Variants in CYSLTR2 observed in about 807,000 individuals in gnomAD.
CYSLTR2 encodes the protein cysteinyl leukotriene receptor 2.
For missense variants in CYSLTR2, 398 were observed against 411.9 expected, an observed-to-expected ratio of 0.97 and a Z score of 0.29; for synonymous variants, 179 against 160.8, an observed-to-expected ratio of 1.11 and a Z score of -0.86.
At chr13:48,682,932 A>G (rs1953795877) in intron 1 of CYSLTR2, among the ~76,000 whole-genome samples, 2 of 152,052 alleles carry the variant, frequency 1.3e-5, no homozygotes, top group South Asian at 4.2e-4. Flanking sequence ...CTTTGTGTCC[A>G]TCTGTTCTCA....
chr13:48,702,835 A>C (rs1442103858), intron 4 of CYSLTR2, among the ~76,000 whole-genome samples: 3 of 152,222 alleles, frequency 2.0e-5, no homozygotes, highest in Non-Finnish European at 4.4e-5. Flanking sequence ...AAAAAAACTT[A>C]CAAGGATTTT....
At chr13:48,706,158 G>A (rs1566108160) in intron 4 of CYSLTR2, among the ~76,000 whole-genome samples, 3 of 150,562 alleles carry the variant, frequency 2.0e-5, no homozygotes, top group East Asian at 1.9e-4. Context: ...CACTGGGCCC[G>A]CTAATTTTTG....
chr13:48,666,846 T>G (rs1953275517), intron 1 of CYSLTR2, among the ~76,000 whole-genome samples: 1 of 152,228 alleles, frequency 6.6e-6, no homozygotes, highest in Non-Finnish European at 1.5e-5. Flanking sequence ...CTCTTATATC[T>G]CACTGAGTCA....
intron 4 of CYSLTR2, among the ~76,000 whole-genome samples, chr13:48,699,040 C>A (rs138536646): frequency 0.015 from 2,226 of 152,256 alleles, 62 homozygotes; most frequent in African/African-American, 0.05. Flanking sequence ...TAGAGACCTA[C>A]AAAGAGACTT....
chr13:48,673,676 T>C (rs930349471), intron 1 of CYSLTR2, among the ~76,000 whole-genome samples: 2 of 152,266 alleles, frequency 1.3e-5, no homozygotes, highest in Non-Finnish European at 2.9e-5. Flanking sequence ...TGATGCCAGC[T>C]GGTTATTTTG....
At chr13:48,684,530 G>A (rs1022847414) in intron 1 of CYSLTR2, among the ~76,000 whole-genome samples, 3 of 151,932 alleles carry the variant, frequency 2.0e-5, no homozygotes, top group Non-Finnish European at 4.4e-5. Flanking sequence ...GTTGAAGTTA[G>A]ATCATCCCTA....
intron 1 of CYSLTR2, among the ~76,000 whole-genome samples, chr13:48,669,899 G>A (rs2138846349): frequency 6.6e-6 from 1 of 152,304 alleles, no homozygotes; most frequent in Admixed American, 6.5e-5. Context: ...CACCAACAGT[G>A]TAAAAGCATT....
rs78945443 is a variant in CYSLTR2 at position 48,664,760 on chromosome 13, A to G, written c.-266+10743A>G. Among the ~76,000 whole-genome samples the G allele has an allele frequency of 2.5e-3, 378 of 151,494 alleles. 12 individuals carry two copies. The East Asian group carries it at 0.059, about 24-fold the overall frequency. On this transcript the variant is annotated intron_variant, in intron 1 of 4. Coordinates refer to ENST00000682523, the MANE Select transcript of CYSLTR2 (RefSeq NM_001308476.3). The stretch of plus-strand genomic sequence containing the variant: ...AGCTAGTGGTTTGTCCATTTTGTTT[A>G]CCTTTTCAAAAAACCAGCTGTTCAC...
chr13:48,691,985 T>C (rs1261302407), intron 2 of CYSLTR2, among the ~76,000 whole-genome samples: 2 of 152,148 alleles, frequency 1.3e-5, no homozygotes, highest in East Asian at 3.9e-4. Flanking sequence ...TTTCCTTTCA[T>C]AGATGACAAA....
In CYSLTR2 at chr13:48,680,805, T is replaced by C. The variant is rs746617347; in HGVS notation, c.-265-10407T>C. On this transcript the variant is annotated intron_variant, in intron 1 of 4. Transcript: ENST00000682523. ...TCTTTCTTTTCTTTTCTTTTCTTTT[T>C]TTTTTTTTTTTTTTTGCAGTCTAGT... 1.9e-3 allele frequency among the ~76,000 whole-genome samples: 182 copies of C among 94,414 alleles called. 1 individual carries two copies. The highest frequency in any genetic ancestry group is 7.9e-3 in the South Asian group (19 of 2,394). 61.9% of individuals were successfully genotyped at this position (94,414 alleles called of 152,430 possible).
chr13:48,682,820 T>A (rs1176032816), intron 1 of CYSLTR2, among the ~76,000 whole-genome samples: 1 of 152,156 alleles, frequency 6.6e-6, no homozygotes, highest in Non-Finnish European at 1.5e-5. Context: ...GAGTATTTTG[T>A]CAGTCAAGTA....
intron 1 of CYSLTR2, among the ~76,000 whole-genome samples, chr13:48,659,913 T>C (rs1402410183): frequency 6.6e-6 from 1 of 152,194 alleles, no homozygotes; most frequent in African/African-American, 2.4e-5. Context: ...CATAGACTCA[T>C]GTGTTATATT....
In CYSLTR2 at chr13:48,707,166, T is replaced by C. The variant is rs779193700; in HGVS notation, c.349T>C (p.Ser117Pro). The C allele has an allele frequency of 4.3e-6, 7 of 1,614,118 alleles. No homozygotes were observed. The Admixed American group carries it at 1.0e-4, about 23-fold the overall frequency. The change falls in exon 5 of 5, where the codon TCC (serine) becomes CCC (proline). Residue 117 changes from serine to proline, a missense_variant. Ser to Pro is a moderately conservative substitution (Grantham distance 74, BLOSUM62 -1). Coordinates refer to ENST00000682523, the MANE Select transcript of CYSLTR2 (RefSeq NM_001308476.3). ...GDLACRIMSY[S>P]LYVNMYSSIY... is the part of the protein sequence containing the mutation. ...CCTGGCCTGCAGGATTATGTCTTAT[T>C]CCTTGTATGTCAACATGTACAGCAG...
At chr13:48,701,854 A>C (rs1204229343) in intron 4 of CYSLTR2, among the ~76,000 whole-genome samples, 1 of 152,180 alleles carries the variant, frequency 6.6e-6, no homozygotes, top group African/African-American at 2.4e-5. Context: ...AGAGTGTGCC[A>C]ATTCCTCAAG....
intron 1 of CYSLTR2, among the ~76,000 whole-genome samples, chr13:48,688,463 T>C (rs556410445): frequency 6.6e-6 from 1 of 152,226 alleles, no homozygotes; most frequent in East Asian, 1.9e-4. Flanking sequence ...TGTGTCCGTG[T>C]GTTCTCATTA....
rs1184436224 is a variant in CYSLTR2 at position 48,708,880 on chromosome 13, G to A, written c.*1022G>A. ...AGAAAAACACTAGATAGTGTGAGAG[G>A]TTCCTTTCTGTCCACTGAAACAAGG... On this transcript the variant is annotated 3_prime_UTR_variant, in exon 5 of 5. Coordinates refer to ENST00000682523, the MANE Select transcript of CYSLTR2 (RefSeq NM_001308476.3). The A allele has an allele frequency of 6.0e-6, 1 of 167,012 alleles. No homozygotes were observed. Among genetic ancestry groups the A allele is most frequent in the African/African-American group, 2.4e-5 (1 of 41,426 alleles). 10.3% of individuals were successfully genotyped at this position (167,012 alleles called of 1,614,324 possible). A position where few individuals can be genotyped will look rare whatever the true frequency, so the allele number is the denominator to read the frequency against.
chr13:48,683,424 G>A (rs570173488), intron 1 of CYSLTR2, among the ~76,000 whole-genome samples: 4 of 152,214 alleles, frequency 2.6e-5, no homozygotes, highest in South Asian at 4.2e-4. Context: ...TAGCCATTCT[G>A]ACTGGTGTGA....
chr13:48,678,132 TGAGG>T (rs1953650542), intron 1 of CYSLTR2, among the ~76,000 whole-genome samples: 1 of 152,118 alleles, frequency 6.6e-6, no homozygotes. Flanking sequence ...TGGCAGTAGA[TGAGG>T]ACAGTTTGGT....
chr13:48,699,804 C>A (rs1009322340), intron 4 of CYSLTR2, among the ~76,000 whole-genome samples: 1 of 151,940 alleles, frequency 6.6e-6, no homozygotes. Context: ...AGAGAAGAAT[C>A]AAATAGATGC....
Sources: allele counts gnomAD v4.1 joint callset (sites outside exome capture counted in the v4.1 genomes callset), GRCh38; gene constraint gnomAD v4.1.1; transcripts MANE v1.5; gene names NCBI Gene and HGNC (gene_info 2026-07-23, HGNC 2026-07-21).